OPCML: variants seen among roughly 807,000 people sequenced by gnomAD.
OPCML encodes opioid-binding protein/cell adhesion molecule.
OPCML carries 13 observed loss-of-function variants against 37.8 expected under a neutral mutation model. The ratio of observed to expected loss-of-function variants is 0.34; its 90% CI spans 0.22 to 0.55. The LOEUF is 0.55. OPCML is among the 20% of genes least tolerant of loss of function. The pLI is 0.91. For missense variants in OPCML, 341 were observed against 435.6 expected, an observed-to-expected ratio of 0.78 and a Z score of 1.93; for synonymous variants, 176 against 168.8, an observed-to-expected ratio of 1.04 and a Z score of -0.33.
intron 2 of OPCML, among the ~76,000 whole-genome samples, chr11:132,843,281 T>G (rs957092970): frequency 1.3e-5 from 2 of 152,012 alleles, no homozygotes; most frequent in African/African-American, 2.4e-5. Context: ...ATTTTTTAAG[T>G]AGCAATGGGG....
chr11:133,005,345 T>C (rs1947088725), intron 1 of OPCML: 2 of 985,382 alleles, frequency 2.0e-6, no homozygotes, highest in Non-Finnish European at 2.4e-6. Flanking sequence ...TGACAGTAAA[T>C]GTGATGTAGA....
At chr11:133,456,283 A>T (rs1163148420) in intron 1 of OPCML, among the ~76,000 whole-genome samples, 1 of 152,128 alleles carries the variant, frequency 6.6e-6, no homozygotes, top group Non-Finnish European at 1.5e-5. Context: ...GGAAGATTTT[A>T]TTTTTAAATC....
intron 1 of OPCML, among the ~76,000 whole-genome samples, chr11:133,207,183 C>T (rs981185251): frequency 3.3e-5 from 5 of 151,564 alleles, no homozygotes; most frequent in Admixed American, 1.3e-4. Context: ...ACCTGTTGTC[C>T]CAGCTACTCG....
At chr11:132,629,921 T>G (rs900959515) in intron 3 of OPCML, among the ~76,000 whole-genome samples, 1 of 152,230 alleles carries the variant, frequency 6.6e-6, no homozygotes, top group Non-Finnish European at 1.5e-5. Flanking sequence ...TAAAAATTGT[T>G]AACCTAAGTA....
At chr11:132,572,077 C>T (rs1208378243) in intron 3 of OPCML, among the ~76,000 whole-genome samples, 1 of 149,486 alleles carries the variant, frequency 6.7e-6, no homozygotes, top group Non-Finnish European at 1.5e-5. Flanking sequence ...GGAGAAATGG[C>T]TATTCAAGTA....
chr11:133,432,978 G>A (rs1020970770), intron 1 of OPCML, among the ~76,000 whole-genome samples: 1 of 152,088 alleles, frequency 6.6e-6, no homozygotes, highest in African/African-American at 2.4e-5. Context: ...ATGAACCAAG[G>A]AAGTTTATGA....
rs373752898 is a variant in OPCML, at chr11:133,117,707, T to TA, written c.62-174698dup. 1,359 of 838,320 alleles carry TA rather than the reference T, an allele frequency of 1.6e-3. 12 individuals carry two copies. The African/African-American group carries it at 0.024, about 15-fold the overall frequency. The allele number at this position is 838,320 out of a possible 1,614,324, so 51.9% of individuals were successfully genotyped here. ...ACCAGTTTGGTAATCACTCTCAAAA[T>TA]AAAAAAAGTATTATCAACTGTAGGA... is the stretch of plus-strand genomic sequence containing the variant. On this transcript the variant is annotated intron_variant, in intron 1 of 7. Coordinates refer to ENST00000524381, the MANE Select transcript of OPCML (RefSeq NM_001012393.5).
intron 1 of OPCML, among the ~76,000 whole-genome samples, chr11:133,154,977 A>G (rs1337615817): frequency 6.6e-6 from 1 of 152,168 alleles, no homozygotes; most frequent in African/African-American, 2.4e-5. Flanking sequence ...ATTAGAGTGC[A>G]ACCTGTTTAT....
At chr11:132,864,256 G>A (rs1185215618) in intron 2 of OPCML, among the ~76,000 whole-genome samples, 1 of 152,034 alleles carries the variant, frequency 6.6e-6, no homozygotes, top group Non-Finnish European at 1.5e-5. Flanking sequence ...TATTTTGAAG[G>A]TTCCCATGTA....
intron 1 of OPCML, among the ~76,000 whole-genome samples, chr11:133,496,608 CT>C (rs1354390565): frequency 4.6e-5 from 7 of 152,058 alleles, no homozygotes; most frequent in Admixed American, 2.0e-4. Flanking sequence ...TTGTAGAAGT[CT>C]TTTGATTCTT....
At chr11:132,664,229 T>TATAGGTA (rs1942124434) in intron 2 of OPCML, among the ~76,000 whole-genome samples, 1 of 152,210 alleles carries the variant, frequency 6.6e-6, no homozygotes, top group African/African-American at 2.4e-5. Flanking sequence ...TTAAGGCATT[T>TATAGGTA]ATACCTAGTT....
At chr11:132,436,341 A>G in intron 6 of OPCML, 104 bp from the exon 7 acceptor site, 1 of 1,596,322 alleles carries the variant, frequency 6.3e-7, no homozygotes, top group Non-Finnish European at 8.5e-7. Context: ...TCAAACCCTA[A>G]GCACTTCAGT....
chr11:133,464,718 C>T (rs1178339101), intron 1 of OPCML, among the ~76,000 whole-genome samples: 1 of 152,130 alleles, frequency 6.6e-6, no homozygotes, highest in Non-Finnish European at 1.5e-5. Flanking sequence ...TTACCAGGAA[C>T]ACAGAGGAGG....
chr11:133,360,428 GC>G (rs1420640581), intron 1 of OPCML: 2 of 152,246 alleles, frequency 1.3e-5, no homozygotes, highest in Non-Finnish European at 1.5e-5. Context: ...AAGGAAGGAA[GC>G]CGGTCTCCTC....
chr11:133,198,569 CAG>C (rs1187778278), intron 1 of OPCML, among the ~76,000 whole-genome samples: 1 of 152,216 alleles, frequency 6.6e-6, no homozygotes, highest in Non-Finnish European at 1.5e-5. Flanking sequence ...AAGGCGTTGT[CAG>C]GGGAGACAAG....
intron 1 of OPCML, among the ~76,000 whole-genome samples, chr11:133,387,937 A>C (rs747382633): frequency 1.3e-5 from 2 of 152,160 alleles, no homozygotes. Flanking sequence ...TTTTCCAGGG[A>C]GAGGGATACC....
At chr11:133,438,213 T>G (rs987516202) in intron 1 of OPCML, among the ~76,000 whole-genome samples, 1 of 152,158 alleles carries the variant, frequency 6.6e-6, no homozygotes. Flanking sequence ...TTTTTATTCT[T>G]ATGTAAGAGG....
At chr11:132,984,703 C>A (rs1037380144) in intron 1 of OPCML, among the ~76,000 whole-genome samples, 1 of 152,176 alleles carries the variant, frequency 6.6e-6, no homozygotes, top group African/African-American at 2.4e-5. Flanking sequence ...CCACTGACTG[C>A]TGATTGGACC....
intron 2 of OPCML, among the ~76,000 whole-genome samples, chr11:132,768,424 C>T (rs927753265): frequency 9.9e-5 from 15 of 152,176 alleles, no homozygotes; most frequent in African/African-American, 3.6e-4. Flanking sequence ...AACTATCCAT[C>T]GTCCAAAATA....
Sources: gnomAD v4.1 joint callset for allele counts (sites outside exome capture counted in the v4.1 genomes callset) on GRCh38, gnomAD v4.1.1 for gene constraint, MANE v1.5 for transcripts, NCBI Gene and HGNC (gene_info 2026-07-23, HGNC 2026-07-21) for gene names.